DOCK8: variants seen among roughly 807,000 people sequenced by gnomAD.
The protein encoded by DOCK8 is dedicator of cytokinesis protein 8.
DOCK8 carries 141 observed loss-of-function variants against 245.6 expected under a neutral mutation model. The ratio of observed to expected loss-of-function variants is 0.57; its 90% CI spans 0.50 to 0.66. The LOEUF (loss-of-function observed/expected upper bound fraction) is 0.66, where lower values mean the gene tolerates loss of function less well. DOCK8 is among the 30% of genes least tolerant of loss of function. DOCK8 has a pLI of 0.00. For missense variants in DOCK8, 2,965 were observed against 2,603.4 expected (o/e 1.14, Z -3.02); for synonymous variants, 1,168 against 970.2 (o/e 1.20, Z -3.79).
rs1045722830 is a variant in DOCK8 at position 464,455 on chromosome 9, C to G, written c.*236C>G. On this transcript the variant is annotated 3_prime_UTR_variant, in exon 48 of 48. Coordinates refer to ENST00000432829, the MANE Select transcript of DOCK8 (RefSeq NM_203447.4). ...GAGGATGGGTACTCAGGCATGACTG[C>G]GTATTTATTAAAGTGTGTTTTTCCA... 4 of 591,310 alleles carry G rather than the reference C, an allele frequency of 6.8e-6. 1 individual carries two copies. In the Middle Eastern group the frequency reaches 1.3e-3, roughly 199 times the overall value. The allele number at this position is 591,310 out of a possible 1,614,324, so 36.6% of individuals were successfully genotyped here.
chr9:374,449 TTG>T (rs869066012), intron 18 of DOCK8, among the ~76,000 whole-genome samples: 3,550 of 130,262 alleles, frequency 0.027, 213 homozygotes, highest in South Asian at 0.034. Flanking sequence ...CATGGTCCTT[TTG>T]TGTTTTTTTT....
At chr9:272,775 G>T (rs894066725) in intron 2 of DOCK8, 1 of 152,158 alleles carries the variant, frequency 6.6e-6, no homozygotes, top group African/African-American at 2.4e-5. Context: ...GCCTATATGT[G>T]TTATATTATT....
intron 30 of DOCK8, among the ~76,000 whole-genome samples, chr9:419,239 T>C (rs934181791): frequency 2.6e-5 from 4 of 152,240 alleles, no homozygotes; most frequent in Non-Finnish European, 4.4e-5. Flanking sequence ...CTGGATGACT[T>C]TCTTGTCTTC....
At chr9:422,016 C>A (rs1348454675) in intron 32 of DOCK8, 32 bp from the exon 33 acceptor site, 5 of 1,571,082 alleles carry the variant, frequency 3.2e-6, no homozygotes, top group Non-Finnish European at 4.4e-6. Flanking sequence ...TCATGCTAAT[C>A]AAATTCCTAT....
chr9:419,273 T>A (rs2056173993), intron 30 of DOCK8, among the ~76,000 whole-genome samples: 1 of 152,206 alleles, frequency 6.6e-6, no homozygotes, highest in Admixed American at 6.5e-5. Flanking sequence ...GCAAGCTCCA[T>A]CACCATGAGG....
chr9:279,661 G>C (rs2048497748), intron 2 of DOCK8, among the ~76,000 whole-genome samples: 2 of 152,152 alleles, frequency 1.3e-5, no homozygotes, highest in South Asian at 4.1e-4. Context: ...CAATAAACCA[G>C]GACTGAGCAA....
In DOCK8 at chr9:377,165, G is replaced by A; in HGVS notation, c.2394G>A (p.Lys798=). The A allele has an allele frequency of 1.9e-6, 3 of 1,604,140 alleles. No individual in the cohort carries two copies. Among genetic ancestry groups the A allele is most frequent in the Non-Finnish European group, 2.5e-6 (3 of 1,179,490 alleles). ...TCTTCCTGCACCTGGTGCTGGACAA[G>A]CTCTTCCAGCTGTCCGTGCAGCCCA... ...LVLFLHLVLD[K]LFQLSVQPMV... Residue 798 remains lysine (K), a synonymous_variant, in exon 20 of 48, where the codon AAG becomes AAA. Coordinates refer to ENST00000432829, the MANE Select transcript of DOCK8 (RefSeq NM_203447.4).
At chr9:376,482 A>G (rs554239924) in intron 19 of DOCK8, among the ~76,000 whole-genome samples, 177 bp downstream of exon 19, 2 of 152,320 alleles carry the variant, frequency 1.3e-5, no homozygotes, top group East Asian at 1.9e-4. Flanking sequence ...GAATAGAAAG[A>G]CCTTACAAAA....
At chr9:302,884 T>C (rs948191279) in intron 4 of DOCK8, among the ~76,000 whole-genome samples, 17 of 151,976 alleles carry the variant, frequency 1.1e-4, no homozygotes, top group South Asian at 6.2e-4. Context: ...TCCCAGCATT[T>C]TGGGAGGCTG....
In DOCK8 at chr9:396,808, A is replaced by C; in HGVS notation, c.2994A>C (p.Val998=). 6.2e-7 allele frequency: 1 copy of C among 1,614,184 alleles called. No individual in the cohort carries two copies. The highest frequency in any genetic ancestry group is 8.5e-7 in the Non-Finnish European group (1 of 1,180,032). ...ELLVKSMAQH[V]HNMDKRDSFR... Reference sequence around the variant, plus strand: ...AGGTGAAAAGCATGGCCCAGCACGTACATAACATGGACAAACGGGACAGTT... The same window carrying C: ...AGGTGAAAAGCATGGCCCAGCACGTCCATAACATGGACAAACGGGACAGTT... The change falls in exon 25 of 48, where the codon GTA becomes GTC. Residue 998 remains valine, a synonymous_variant. Transcript: ENST00000432829.
chr9:368,160 C>T, intron 15 of DOCK8, 25 bp downstream of exon 15: 1 of 1,596,848 alleles, frequency 6.3e-7, no homozygotes, highest in South Asian at 1.1e-5. Flanking sequence ...GAACATTTGC[C>T]TCAAATCAGG....
intron 14 of DOCK8, among the ~76,000 whole-genome samples, chr9:344,607 C>T (rs1454982938): frequency 1.3e-5 from 2 of 152,108 alleles, no homozygotes; most frequent in South Asian, 2.1e-4. Flanking sequence ...TGTTCCTTGC[C>T]ATCTCCCCAT....
intron 6 of DOCK8, among the ~76,000 whole-genome samples, chr9:315,894 G>A (rs2050322288): frequency 6.6e-6 from 1 of 152,198 alleles, no homozygotes; most frequent in Non-Finnish European, 1.5e-5. Flanking sequence ...CAGTTAGGGA[G>A]ATCTTCCCTT....
rs766937207 is a variant in DOCK8, at chr9:439,290, A to T, written c.5125A>T (p.Thr1709Ser). ...VLEESVVSED[T>S]LSPDEDGVCA... ...GGAGGAGTCTGTGGTCTCTGAGGAC[A>T]CCCTGTCACCTGACGAGGATGGGGT... The change falls in exon 40 of 48, where the codon ACC becomes TCC. Residue 1709 changes from threonine to serine, a missense_variant. Coordinates refer to ENST00000432829, the MANE Select transcript of DOCK8 (RefSeq NM_203447.4). The T allele has an allele frequency of 1.9e-6, 3 of 1,614,126 alleles. 1 individual carries two copies. In the South Asian group the frequency reaches 3.3e-5, roughly 18 times the overall value.
intron 14 of DOCK8, among the ~76,000 whole-genome samples, chr9:364,015 A>G (rs1536610): frequency 0.18 from 27,030 of 152,166 alleles, 2,672 homozygotes; most frequent in Middle Eastern, 0.26. Context: ...TTCAAGAAAG[A>G]TTGATAGGCG....
At chr9:225,693 G>A (rs1214623931) in intron 1 of DOCK8, among the ~76,000 whole-genome samples, 3 of 152,166 alleles carry the variant, frequency 2.0e-5, no homozygotes, top group Non-Finnish European at 4.4e-5. Flanking sequence ...CCAGTGGGGA[G>A]ACAATGAAGA....
At chr9:368,213 A>T (rs749117620) in intron 15 of DOCK8, 78 bp downstream of exon 15, 5 of 1,204,570 alleles carry the variant, frequency 4.2e-6, no homozygotes, top group Middle Eastern at 1.9e-4. Context: ...TCCGGGACTC[A>T]TCAGTGTACA....
chr9:365,918 C>T, intron 14 of DOCK8: 1 of 288,956 alleles, frequency 3.5e-6, no homozygotes, highest in Non-Finnish European at 6.8e-6. Context: ...ACGTCCACTC[C>T]TGACAGCATC....
intron 37 of DOCK8, among the ~76,000 whole-genome samples, chr9:433,559 G>A (rs896694883): frequency 6.6e-6 from 1 of 152,226 alleles, no homozygotes; most frequent in Non-Finnish European, 1.5e-5. Flanking sequence ...CCAGAGTAGA[G>A]TTTAGAACTT....
Sources: gnomAD v4.1 joint callset for allele counts (sites outside exome capture counted in the v4.1 genomes callset) on GRCh38, gnomAD v4.1.1 for gene constraint, MANE v1.5 for transcripts, NCBI Gene and HGNC (gene_info 2026-07-23, HGNC 2026-07-21) for gene names.